IGF1R: variants seen among roughly 807,000 people sequenced by gnomAD.
IGF1R encodes insulin-like growth factor 1 receptor.
In IGF1R, 44 loss-of-function variants were observed where a neutral mutation model predicts 144.6. The observed-to-expected ratio is 0.30, with a 90% CI of 0.24 to 0.39. IGF1R has a LOEUF of 0.39. Among genes scored for constraint, IGF1R ranks in the 10% least tolerant of loss-of-function variants. The pLI is 1.00. For synonymous variants in IGF1R, 795 were observed against 722.8 expected (o/e 1.10, Z -1.60); for missense variants, 1,355 against 1,833.7 (o/e 0.74, Z 4.77).
At chr15:98,755,782 T>A (rs1202279891) in intron 2 of IGF1R, among the ~76,000 whole-genome samples, 69 of 140,136 alleles carry the variant, frequency 4.9e-4, no homozygotes, top group South Asian at 1.5e-3. Context: ...CTGATTTAAA[T>A]AAAAAAATGT....
chr15:98,678,921 CTTTTTTTTT>C (rs60694188), intron 1 of IGF1R, among the ~76,000 whole-genome samples: 1 of 130,182 alleles, frequency 7.7e-6, no homozygotes, highest in Non-Finnish European at 1.6e-5. Flanking sequence ...CTCTGATGCT[CTTTTTTTTT>C]TTTTTTTTTT....
intron 2 of IGF1R, among the ~76,000 whole-genome samples, chr15:98,763,419 AAC>A (rs1034763422): frequency 1.3e-5 from 2 of 151,182 alleles, no homozygotes; most frequent in African/African-American, 4.9e-5. Context: ...TGATTTTAGC[AAC>A]AGTCACCGTG....
intron 2 of IGF1R, among the ~76,000 whole-genome samples, chr15:98,775,575 G>T (rs1469985515): frequency 6.6e-6 from 1 of 152,182 alleles, no homozygotes. Flanking sequence ...GCCCCCACTT[G>T]TCGGGGAAGC....
At position 98,866,051 on chromosome 15, in the gene IGF1R, T is replaced by A. The variant is rs2012425630; in HGVS notation, c.641-25274T>A. On this transcript the variant is annotated intron_variant, in intron 2 of 20. Coordinates refer to ENST00000650285, the MANE Select transcript of IGF1R (RefSeq NM_000875.5). Reference sequence around the variant, plus strand: ...GTGCACATATGCACGGGGCGCAGTTTAAAATGAAAGTAAAAGATGCAAATG... The same window carrying A: ...GTGCACATATGCACGGGGCGCAGTTAAAAATGAAAGTAAAAGATGCAAATG... Among the ~76,000 whole-genome samples the A allele has an allele frequency of 2.0e-5, 3 of 152,182 alleles. No individual in the cohort carries two copies. The South Asian group carries it at 6.2e-4, about 31-fold the overall frequency.
chr15:98,850,947 T>G (rs1009496916), intron 2 of IGF1R, among the ~76,000 whole-genome samples: 2 of 152,102 alleles, frequency 1.3e-5, no homozygotes, highest in African/African-American at 4.8e-5. Context: ...CCTGGTATGC[T>G]CAGGGTCTAC....
chr15:98,884,584 C>T (rs1177138906), intron 2 of IGF1R, among the ~76,000 whole-genome samples: 4 of 145,744 alleles, frequency 2.7e-5, no homozygotes, highest in Non-Finnish European at 4.5e-5. Flanking sequence ...GTCCCAGCTA[C>T]AGGAGAATGG....
intron 2 of IGF1R, among the ~76,000 whole-genome samples, chr15:98,874,646 C>T (rs563360990): frequency 1.3e-5 from 2 of 152,312 alleles, no homozygotes; most frequent in Admixed American, 1.3e-4. Flanking sequence ...TTCACTTTAT[C>T]TGCCAAGTGA....
chr15:98,847,131 C>A (rs1372513819), intron 2 of IGF1R, among the ~76,000 whole-genome samples: 3 of 152,150 alleles, frequency 2.0e-5, no homozygotes, highest in Non-Finnish European at 2.9e-5. Context: ...CACGTACCAC[C>A]ATGCCTGGCT....
chr15:98,739,701 C>A (rs1397256746), intron 2 of IGF1R, among the ~76,000 whole-genome samples: 3 of 152,174 alleles, frequency 2.0e-5, no homozygotes, highest in Non-Finnish European at 2.9e-5. Flanking sequence ...CTCTGCCTCC[C>A]AGGTTCAAGT....
chr15:98,756,720 C>T (rs1387583424), intron 2 of IGF1R, among the ~76,000 whole-genome samples: 1 of 151,974 alleles, frequency 6.6e-6, no homozygotes, highest in Non-Finnish European at 1.5e-5. Flanking sequence ...GCTTTTTAGT[C>T]TTCTTAAAAT....
chr15:98,848,957 TAGAC>T (rs2011444330), intron 2 of IGF1R, among the ~76,000 whole-genome samples: 1 of 152,204 alleles, frequency 6.6e-6, no homozygotes, highest in African/African-American at 2.4e-5. Flanking sequence ...CCACATTTAT[TAGAC>T]AGGAATAATC....
At chr15:98,903,426 T>TA (rs1225487874) in intron 5 of IGF1R, among the ~76,000 whole-genome samples, 1 of 152,232 alleles carries the variant, frequency 6.6e-6, no homozygotes, top group Non-Finnish European at 1.5e-5. Flanking sequence ...TGCTTTGTAA[T>TA]ACCTTCTTGG....
intron 2 of IGF1R, among the ~76,000 whole-genome samples, chr15:98,726,610 G>A (rs188355009): frequency 6.6e-6 from 1 of 151,826 alleles, no homozygotes; most frequent in African/African-American, 2.4e-5. Context: ...TTAAATTGCA[G>A]ATGCTTAATT....
At chr15:98,819,089 C>A (rs1026311971) in intron 2 of IGF1R, among the ~76,000 whole-genome samples, 7 of 152,060 alleles carry the variant, frequency 4.6e-5, no homozygotes, top group Admixed American at 4.6e-4. Context: ...CTCTGTCTTG[C>A]ATCTCTCAGG....
chr15:98,779,233 T>C lies in IGF1R; in HGVS notation c.640+71126T>C, dbSNP rs1010836358. ...AGAGAATAAGTTTTCACCTGTTATATAATCCAGCACAAGTGACTGTGTAGC... is the reference window on the plus strand; with the variant it reads ...AGAGAATAAGTTTTCACCTGTTATACAATCCAGCACAAGTGACTGTGTAGC... On this transcript the variant is annotated intron_variant, in intron 2 of 20. Transcript: ENST00000650285. 2.6e-5 allele frequency among the ~76,000 whole-genome samples: 4 copies of C among 152,354 alleles called. 1 individual carries two copies. The highest frequency in any genetic ancestry group is 2.6e-4 in the Admixed American group (4 of 15,310).
chr15:98,806,305 G>A (rs1281993339), intron 2 of IGF1R, among the ~76,000 whole-genome samples: 1 of 152,084 alleles, frequency 6.6e-6, no homozygotes, highest in Admixed American at 6.5e-5. Flanking sequence ...GGACTCCAGC[G>A]GCAATGCCTT....
intron 1 of IGF1R, among the ~76,000 whole-genome samples, chr15:98,685,543 C>T (rs1454301278): frequency 6.6e-6 from 1 of 152,200 alleles, no homozygotes; most frequent in African/African-American, 2.4e-5. Flanking sequence ...GGCACCTCTT[C>T]CTCTGTGTCC....
intron 2 of IGF1R, among the ~76,000 whole-genome samples, chr15:98,835,001 AT>A (rs1228878656): frequency 1.2e-4 from 18 of 152,032 alleles, no homozygotes; most frequent in African/African-American, 4.3e-4. Flanking sequence ...ATAGGCTTAT[AT>A]TGAGTGAAAA....
At chr15:98,776,959 A>G (rs2055733615) in intron 2 of IGF1R, among the ~76,000 whole-genome samples, 1 of 152,170 alleles carries the variant, frequency 6.6e-6, no homozygotes, top group Non-Finnish European at 1.5e-5. Context: ...AAGGGTTTTC[A>G]GGATTTACAA....
Sources: allele counts gnomAD v4.1 joint callset (sites outside exome capture counted in the v4.1 genomes callset), GRCh38; gene constraint gnomAD v4.1.1; transcripts MANE v1.5; gene names NCBI Gene and HGNC (gene_info 2026-07-23, HGNC 2026-07-21).